ARNT2: variants seen among roughly 807,000 people sequenced by gnomAD.
ARNT2 encodes ARNT protein 2.
Under a neutral mutation model 91.7 loss-of-function variants are expected in ARNT2, and 36 were observed. The ratio of observed to expected loss-of-function variants is 0.39; its 90% CI spans 0.30 to 0.52. The LOEUF (loss-of-function observed/expected upper bound fraction) is 0.52, where lower values mean the gene tolerates loss of function less well. ARNT2 is among the 20% of genes least tolerant of loss of function. The pLI is 0.72. For synonymous variants in ARNT2, 365 were observed against 347.1 expected (o/e 1.05, Z -0.57); for missense variants, 775 against 939.3 (o/e 0.83, Z 2.29).
intron 5 of ARNT2, among the ~76,000 whole-genome samples, chr15:80,477,048 A>T (rs1195749665): frequency 6.6e-6 from 1 of 152,118 alleles, no homozygotes; most frequent in Non-Finnish European, 1.5e-5. Flanking sequence ...TCTCTCTCTT[A>T]AGAGTTCCTG....
At chr15:80,563,608 T>C (rs1308553191) in intron 12 of ARNT2, among the ~76,000 whole-genome samples, 1 of 152,210 alleles carries the variant, frequency 6.6e-6, no homozygotes, top group African/African-American at 2.4e-5. Context: ...TGTGCCTGGT[T>C]TCTTGGTCCT....
intron 12 of ARNT2, among the ~76,000 whole-genome samples, chr15:80,567,439 G>A (rs987422063): frequency 3.9e-5 from 6 of 152,240 alleles, no homozygotes; most frequent in East Asian, 1.9e-4. Context: ...CTCCCATAAC[G>A]TTCTTGAGCT....
chr15:80,429,694 G>A lies in ARNT2; in HGVS notation c.32-21186G>A, dbSNP rs190745612. ...GATTGGCATCTGAAGTGGGGCAGTC[G>A]TGTGGGATTGAGCCTGTAACTGTGG... On this transcript the variant is annotated intron_variant, in intron 1 of 18. Transcript: ENST00000303329. Among the ~76,000 whole-genome samples, 13 of 152,326 alleles carry A rather than the reference G, an allele frequency of 8.5e-5. No homozygotes were observed. In the East Asian group the frequency reaches 2.1e-3, roughly 25 times the overall value.
rs1228448030 is a variant in ARNT2 at position 80,513,066 on chromosome 15, G to T, written c.726-845G>T. Among the ~76,000 whole-genome samples the T allele has an allele frequency of 2.0e-5, 3 of 152,218 alleles. No homozygotes were observed. The South Asian group carries it at 6.2e-4, about 31-fold the overall frequency. On this transcript the variant is annotated intron_variant, in intron 6 of 18. Coordinates refer to ENST00000303329, the MANE Select transcript of ARNT2 (RefSeq NM_014862.4). ...GCTGGCAGCTGTCTAAGGTCTCAGA[G>T]TATAACTAGACTCTTATCCCTGCTG...
intron 3 of ARNT2, among the ~76,000 whole-genome samples, chr15:80,460,966 A>T (rs1595972639): frequency 6.6e-6 from 1 of 152,122 alleles, no homozygotes; most frequent in East Asian, 1.9e-4. Flanking sequence ...AGGTGAGGCC[A>T]AGTGCGAGGC....
At position 80,547,487 on chromosome 15, in the gene ARNT2, A is replaced by G. The variant is rs532861585; in HGVS notation, c.878-3712A>G. Among the ~76,000 whole-genome samples, 31 of 152,350 alleles carry G rather than the reference A, an allele frequency of 2.0e-4. No homozygotes were observed. The South Asian group carries it at 3.9e-3, about 19-fold the overall frequency. On this transcript the variant is annotated intron_variant, in intron 8 of 18. Transcript: ENST00000303329. Reference sequence around the variant, plus strand: ...AAGCACAGGGATTGTGTCAGGGGAAAGCATGTATGCTTCCTTTGGGCTGTG... The same window carrying G: ...AAGCACAGGGATTGTGTCAGGGGAAGGCATGTATGCTTCCTTTGGGCTGTG...
intron 14 of ARNT2, 44 bp from the exon 15 acceptor site, chr15:80,576,822 G>A: frequency 6.2e-7 from 1 of 1,608,010 alleles, no homozygotes; most frequent in Non-Finnish European, 8.5e-7. Flanking sequence ...GTGGTCTGCA[G>A]AGCAGGGAAC....
chr15:80,578,348 T>C (rs1898722008), intron 15 of ARNT2, among the ~76,000 whole-genome samples: 1 of 151,870 alleles, frequency 6.6e-6, no homozygotes, highest in Non-Finnish European at 1.5e-5. Context: ...GTGTGCTGAG[T>C]GAAGCCTTGG....
rs778520013 is a variant in ARNT2, at chr15:80,506,861, G to GGTGT, written c.623-1294_623-1291dup. On this transcript the variant is annotated intron_variant, in intron 5 of 18. Transcript: ENST00000303329. ...GCCCCAAGGATAGGCTGGAGAAGGT[G>GGTGT]GTGTCCCAAGGCAAGAATGTTCCAA... Among the ~76,000 whole-genome samples, 131 of 152,272 alleles carry GGTGT rather than the reference G, an allele frequency of 8.6e-4. 1 individual carries two copies. Among genetic ancestry groups the GGTGT allele is most frequent in the Non-Finnish European group, 1.4e-3 (98 of 68,038 alleles).
At chr15:80,439,439 G>A (rs1373652128) in intron 1 of ARNT2, among the ~76,000 whole-genome samples, 1 of 152,144 alleles carries the variant, frequency 6.6e-6, no homozygotes, top group Non-Finnish European at 1.5e-5. Flanking sequence ...AATAGGTTTT[G>A]GGCAAATAGT....
chr15:80,504,075 T>C (rs890890091), intron 5 of ARNT2, among the ~76,000 whole-genome samples: 4 of 152,228 alleles, frequency 2.6e-5, no homozygotes. Context: ...CTCTTGCATG[T>C]ATTTTCACTC....
chr15:80,415,488 AGT>A (rs953504516), intron 1 of ARNT2, among the ~76,000 whole-genome samples: 3 of 152,142 alleles, frequency 2.0e-5, no homozygotes, highest in African/African-American at 7.2e-5. Flanking sequence ...AGGCCATTGA[AGT>A]GTGGTGAGTG....
chr15:80,552,798 T>C (rs1230369459), intron 10 of ARNT2, 24 bp downstream of exon 10: 2 of 1,607,836 alleles, frequency 1.2e-6, no homozygotes, highest in Non-Finnish European at 1.7e-6. Context: ...TTTGAGCCTA[T>C]GGCAATTGAC....
intron 8 of ARNT2, among the ~76,000 whole-genome samples, chr15:80,549,598 G>A (rs1555413131): frequency 6.6e-6 from 1 of 152,172 alleles, no homozygotes; most frequent in Non-Finnish European, 1.5e-5. Context: ...AACATAAAAA[G>A]TAATGTTCAA....
intron 1 of ARNT2, among the ~76,000 whole-genome samples, chr15:80,434,866 A>C (rs1896063520): frequency 6.6e-6 from 1 of 151,574 alleles, no homozygotes; most frequent in Non-Finnish European, 1.5e-5. Context: ...CTTTCATGGA[A>C]GTTTTTCCTG....
chr15:80,524,927 C>G (rs1897616449), intron 8 of ARNT2, among the ~76,000 whole-genome samples: 1 of 151,396 alleles, frequency 6.6e-6, no homozygotes, highest in South Asian at 2.1e-4. Context: ...GAAAAACAGT[C>G]TATAAAACAT....
At chr15:80,512,574 A>G (rs143839837) in intron 6 of ARNT2, among the ~76,000 whole-genome samples, 106 of 152,342 alleles carry the variant, frequency 7.0e-4, no homozygotes, top group African/African-American at 2.5e-3. Context: ...GCCATCAGTT[A>G]GTGTAGTCAG....
chr15:80,516,918 CCTT>C (rs1040420914), intron 8 of ARNT2, among the ~76,000 whole-genome samples: 31 of 139,620 alleles, frequency 2.2e-4, no homozygotes, highest in Non-Finnish European at 4.1e-4. Context: ...ATAAAATCTT[CCTT>C]CTTCTGTCTT....
At chr15:80,554,907 C>T in intron 10 of ARNT2, 158 bp from the exon 11 acceptor site, 1 of 635,294 alleles carries the variant, frequency 1.6e-6, no homozygotes, top group Non-Finnish European at 2.7e-6. Flanking sequence ...TGACGGCTCC[C>T]AGGGAAATTT....
Sources: gnomAD v4.1 joint callset for allele counts (sites outside exome capture counted in the v4.1 genomes callset) on GRCh38, gnomAD v4.1.1 for gene constraint, MANE v1.5 for transcripts, NCBI Gene and HGNC (gene_info 2026-07-23, HGNC 2026-07-21) for gene names.